The following CNDP2 variants were observed in gnomAD, a reference collection of about 807,000 sequenced individuals.
CNDP2 encodes the protein carnosine dipeptidase 2.
In CNDP2, 38 loss-of-function variants were observed where a neutral mutation model predicts 55.0. The ratio of observed to expected loss-of-function variants is 0.69; its 90% CI spans 0.53 to 0.90. CNDP2 has a LOEUF of 0.90. CNDP2 is among the 40% of genes least tolerant of loss of function. The probability of loss-of-function intolerance (pLI) is 0.00; values close to 1 mark genes in which losing one functional copy is unlikely to be tolerated. For synonymous variants in CNDP2, 241 were observed against 260.2 expected, an observed-to-expected ratio of 0.93 and a Z score of 0.71; for missense variants, 607 against 621.7, an observed-to-expected ratio of 0.98 and a Z score of 0.25.
In CNDP2 at chr18:74,499,878, G is replaced by A. The variant is rs1978594985; in HGVS notation, c.-92-4G>A. 1 of 1,053,280 alleles carries A rather than the reference G, an allele frequency of 9.5e-7. No homozygotes were observed. The highest frequency in any genetic ancestry group is 1.4e-6 in the Non-Finnish European group (1 of 696,188). 65.2% of individuals were successfully genotyped at this position (1,053,280 alleles called of 1,614,324 possible). A position where few individuals can be genotyped will look rare whatever the true frequency, so the allele number is the denominator to read the frequency against. On this transcript the variant is annotated splice_region_variant and splice_polypyrimidine_tract_variant and intron_variant, in intron 1 of 11. Transcript: ENST00000324262. ...ACAATTCTGAACACGTGCTTTCTGG[G>A]CAGGTCGCCCCTCAGTCTCCACTAG...
rs1979318241 is a variant in CNDP2, at chr18:74,510,962, G to T, written c.606G>T (p.Lys202Asn). Residue 202 changes from lysine to asparagine, a missense_variant, in exon 6 of 12, where the codon AAG (lysine) becomes AAT (asparagine). Coordinates refer to ENST00000324262, the MANE Select transcript of CNDP2 (RefSeq NM_018235.3). ...CTGACAATTACTGGCTGGGAAAGAA[G>T]AAGCCCTGCATCACCTACGGCCTCA... Reference protein sequence around the residue: ...CISDNYWLGKKKPCITYGLRG... With the variant: ...CISDNYWLGKNKPCITYGLRG... 1 of 1,614,212 alleles carries T rather than the reference G, an allele frequency of 6.2e-7. No homozygotes were observed. The highest frequency in any genetic ancestry group is 1.3e-5 in the African/African-American group (1 of 75,050).
At position 74,516,329 on chromosome 18, in the gene CNDP2, G is replaced by A. The variant is rs1979663068; in HGVS notation, c.1005G>A (p.Lys335=). ...GSGAKTVIPR[K]VVGKFSIRLV... ...GGGCCAAGACCGTGATTCCCAGGAA[G>A]GTGGTTGGCAAGTTCTCCATCAGGC... The change falls in exon 9 of 12, where the codon AAG becomes AAA. Residue 335 remains lysine (K), a synonymous_variant. Coordinates refer to ENST00000324262, the MANE Select transcript of CNDP2 (RefSeq NM_018235.3). 1 of 1,613,996 alleles carries A rather than the reference G, an allele frequency of 6.2e-7. No homozygotes were observed. Among genetic ancestry groups the A allele is most frequent in the African/African-American group, 1.3e-5 (1 of 74,928 alleles).
intron 6 of CNDP2, among the ~76,000 whole-genome samples, chr18:74,511,686 C>T (rs1490346548): frequency 6.7e-6 from 1 of 148,302 alleles, no homozygotes; most frequent in Non-Finnish European, 1.5e-5. Flanking sequence ...CCAGCCTGAG[C>T]TACAGAGCGA....
chr18:74,500,820 G>T (rs2144571574), intron 2 of CNDP2, among the ~76,000 whole-genome samples: 2 of 152,334 alleles, frequency 1.3e-5, no homozygotes, highest in Middle Eastern at 3.4e-3. Context: ...CAGCACTAAA[G>T]ATTTCACATG....
At chr18:74,507,842 C>A in intron 4 of CNDP2, 1 of 152,532 alleles carries the variant, frequency 6.6e-6, no homozygotes, top group Non-Finnish European at 1.5e-5. Flanking sequence ...AGGGTGGGGG[C>A]AGGTCACATT....
intron 4 of CNDP2, 27 bp from the exon 5 acceptor site, chr18:74,508,813 T>C (rs368932128): frequency 1.3e-5 from 21 of 1,597,398 alleles, no homozygotes; most frequent in Non-Finnish European, 1.7e-5. Flanking sequence ...AATCATCACT[T>C]TATGAATTTG....
chr18:74,510,446 A>C (rs1383827912), intron 5 of CNDP2, among the ~76,000 whole-genome samples: 3 of 152,162 alleles, frequency 2.0e-5, no homozygotes, highest in African/African-American at 7.2e-5. Context: ...GGGAGCAGCG[A>C]AGGTCACACA....
chr18:74,514,236 C>T (rs1341782769), intron 8 of CNDP2, among the ~76,000 whole-genome samples: 3 of 151,950 alleles, frequency 2.0e-5, no homozygotes, highest in African/African-American at 4.8e-5. Context: ...GTGAGTTCTG[C>T]GGGCTATAGA....
chr18:74,513,595 C>T lies in CNDP2; in HGVS notation c.779C>T (p.Pro260Leu), dbSNP rs759568768. ...GACAAGAGGGGGAACATCCTGATCC[C>T]CGGCATTAACGAGGCCGTGGCCGCC... ...LVDKRGNILI[P>L]GINEAVAAVT... Residue 260 changes from proline to leucine, a missense_variant, in exon 8 of 12, where the codon CCC becomes CTC. Coordinates refer to ENST00000324262, the MANE Select transcript of CNDP2 (RefSeq NM_018235.3). 3.1e-6 allele frequency: 5 copies of T among 1,613,688 alleles called. No homozygotes were observed. Among genetic ancestry groups the T allele is most frequent in the African/African-American group, 1.3e-5 (1 of 74,938 alleles).
chr18:74,501,548 C>A, intron 3 of CNDP2, 76 bp downstream of exon 3: 1 of 1,501,846 alleles, frequency 6.7e-7, no homozygotes, highest in South Asian at 1.3e-5. Flanking sequence ...GCCACAAGTT[C>A]TTAAAAGATC....
chr18:74,504,225 G>A (rs1208739088), intron 3 of CNDP2, among the ~76,000 whole-genome samples: 5 of 131,938 alleles, frequency 3.8e-5, no homozygotes, highest in African/African-American at 8.6e-5. Flanking sequence ...CAGGCCACAC[G>A]CCACACACGC....
At chr18:74,511,092 AC>A (rs1979329646) in intron 6 of CNDP2, 79 bp downstream of exon 6, 1 of 1,253,648 alleles carries the variant, frequency 8.0e-7, no homozygotes, top group Admixed American at 2.3e-5. Context: ...GTAGACAAGG[AC>A]CCAGAAGTCA....
chr18:74,511,250 TG>T, intron 6 of CNDP2: 1 of 538,622 alleles, frequency 1.9e-6, no homozygotes, highest in East Asian at 3.0e-5. Flanking sequence ...CAGTGTGATT[TG>T]TAATGTTGCT....
chr18:74,509,175 T>C, intron 5 of CNDP2: 1 of 483,348 alleles, frequency 2.1e-6, no homozygotes, highest in African/African-American at 1.9e-5. Flanking sequence ...CTCAGCGTGA[T>C]TTTTGCCACC....
rs1979981326 is a variant in CNDP2 at position 74,520,335 on chromosome 18, G to A, written c.*267G>A. 1 of 433,706 alleles carries A rather than the reference G, an allele frequency of 2.3e-6. No individual in the cohort carries two copies. The highest frequency in any genetic ancestry group is 4.2e-6 in the Non-Finnish European group (1 of 235,592). 26.9% of individuals were successfully genotyped at this position (433,706 alleles called of 1,614,324 possible). On this transcript the variant is annotated 3_prime_UTR_variant, in exon 12 of 12. Transcript: ENST00000324262. ...GGCTTGACCTGCAGAAGATACCCAA[G>A]GTCCAAAAGCACAAGGTCTGCGGAA...
Position 74,519,999 on chromosome 18 carries a change from G to A in CNDP2, c.1359G>A (p.Arg453=). Residue 453 remains arginine (R), a splice_region_variant and synonymous_variant, in exon 12 of 12, where the codon AGG becomes AGA. Coordinates refer to ENST00000324262, the MANE Select transcript of CNDP2 (RefSeq NM_018235.3). ...ACAATGATGTGTTCCTCTCTACCAG[G>A]TATAACTACATAGAGGGAACCAAGA... The part of the protein sequence containing the change: ...GAHSQNEKLN[R]YNYIEGTKML... The A allele has an allele frequency of 3.7e-6, 6 of 1,613,842 alleles. No individual in the cohort carries two copies. Among genetic ancestry groups the A allele is most frequent in the Non-Finnish European group, 5.1e-6 (6 of 1,179,874 alleles).
rs763275334 is a variant in CNDP2, at chr18:74,510,816, A to AT, written c.462dup (p.Pro155SerfsTer17). Reference sequence around the variant, plus strand: ...TCGTGCTGTTCCCTTCTCACAGGAGATTCCTGTCAACGTCCGATTCTGCCT... The same window carrying AT: ...TCGTGCTGTTCCCTTCTCACAGGAGATTTCCTGTCAACGTCCGATTCTGCCT... On this transcript the variant is annotated frameshift_variant, in exon 6 of 12. Transcript: ENST00000324262. LOFTEE classifies it high-confidence loss of function. 1.2e-6 allele frequency: 2 copies of AT among 1,612,852 alleles called. No individual in the cohort carries two copies. The highest frequency in any genetic ancestry group is 4.5e-5 in the East Asian group (2 of 44,860).
At position 74,505,935 on chromosome 18, in the gene CNDP2, C is replaced by T. The variant is rs376422174; in HGVS notation, c.291C>T (p.Tyr97=). ...CACAGAAGAAGACCGTGTGCATTTA[C>T]GGGCACCTGGATGTGCAGCCTGCAG... ...SDPQKKTVCI[Y]GHLDVQPAAL... is the part of the protein sequence containing the mutation. The change falls in exon 4 of 12, where the codon TAC becomes TAT. Residue 97 remains tyrosine, a synonymous_variant. Coordinates refer to ENST00000324262, the MANE Select transcript of CNDP2 (RefSeq NM_018235.3). 172 of 1,612,376 alleles carry T rather than the reference C, an allele frequency of 1.1e-4. No homozygotes were observed. Among genetic ancestry groups the T allele is most frequent in the East Asian group, 1.3e-4 (6 of 44,768 alleles).
At chr18:74,499,824 T>C in intron 1 of CNDP2, 58 bp from the exon 2 acceptor site, 1 of 591,180 alleles carries the variant, frequency 1.7e-6, no homozygotes, top group Non-Finnish European at 2.9e-6. Flanking sequence ...GGTGTTGCAG[T>C]GCTGGCTGGG....
Sources: gnomAD v4.1 joint callset for allele counts (sites outside exome capture counted in the v4.1 genomes callset) on GRCh38, gnomAD v4.1.1 for gene constraint, MANE v1.5 for transcripts, NCBI Gene and HGNC (gene_info 2026-07-23, HGNC 2026-07-21) for gene names.